CTNND2: variants seen among roughly 807,000 people sequenced by gnomAD.
CTNND2 encodes the protein catenin delta-2.
In CTNND2, 22 loss-of-function variants were observed where a neutral mutation model predicts 144.4. That is an observed-to-expected ratio of 0.15 (90% CI 0.11 to 0.22). The LOEUF is 0.22. Ranked by LOEUF, CTNND2 falls within the 10% of genes least tolerant of loss-of-function variation. CTNND2 has a pLI of 1.00. For missense variants in CTNND2, 1,353 were observed against 1,618.8 expected (o/e 0.84, Z 2.82); for synonymous variants, 751 against 695.6 (o/e 1.08, Z -1.25).
chr5:11,128,817 AT>A (rs1352771579), intron 12 of CTNND2, among the ~76,000 whole-genome samples: 2 of 72,230 alleles, frequency 2.8e-5, no homozygotes, highest in Admixed American at 2.5e-4. Flanking sequence ...AATATATATA[AT>A]ATATATTATA....
chr5:11,860,190 T>C (rs928483067), intron 1 of CTNND2, among the ~76,000 whole-genome samples: 1 of 152,234 alleles, frequency 6.6e-6, no homozygotes, highest in Non-Finnish European at 1.5e-5. Context: ...GATGAATTCA[T>C]CTATTGAGAG....
chr5:11,689,559 A>G (rs1423233047), intron 2 of CTNND2, among the ~76,000 whole-genome samples: 1 of 152,232 alleles, frequency 6.6e-6, no homozygotes, highest in Non-Finnish European at 1.5e-5. Context: ...CAATTTGTGA[A>G]TGCTGTTGTA....
intron 10 of CTNND2, among the ~76,000 whole-genome samples, chr5:11,201,889 T>G (rs1335789656): frequency 6.6e-6 from 1 of 152,242 alleles, no homozygotes; most frequent in African/African-American, 2.4e-5. Flanking sequence ...ATGTTTGTAT[T>G]CCTATATAGG....
intron 13 of CTNND2, among the ~76,000 whole-genome samples, chr5:11,113,548 A>T (rs1055926598): frequency 5.3e-5 from 8 of 152,240 alleles, no homozygotes; most frequent in African/African-American, 1.9e-4. Context: ...TACAGGAACC[A>T]TGGAAAGCGG....
At chr5:11,643,825 T>C (rs1290976489) in intron 2 of CTNND2, among the ~76,000 whole-genome samples, 2 of 152,230 alleles carry the variant, frequency 1.3e-5, no homozygotes, top group Non-Finnish European at 2.9e-5. Flanking sequence ...TTTCCTTTTA[T>C]GTATTGTAAC....
At chr5:11,573,800 G>C (rs534954397) in intron 2 of CTNND2, among the ~76,000 whole-genome samples, 2 of 151,976 alleles carry the variant, frequency 1.3e-5, no homozygotes, top group African/African-American at 4.8e-5. Flanking sequence ...AAAATATAAC[G>C]AAACACCTCT....
chr5:11,216,784 G>A (rs117350486), intron 10 of CTNND2, among the ~76,000 whole-genome samples: 1 of 152,348 alleles, frequency 6.6e-6, no homozygotes, highest in East Asian at 1.9e-4. Context: ...CGCTGGATAA[G>A]AAGTGGCTGC....
At chr5:11,300,119 C>T (rs1056707628) in intron 9 of CTNND2, among the ~76,000 whole-genome samples, 4 of 152,210 alleles carry the variant, frequency 2.6e-5, no homozygotes, top group Non-Finnish European at 5.9e-5. Flanking sequence ...AAGTTGCCCA[C>T]ATCCATGACA....
chr5:11,536,704 T>G (rs931403738), intron 3 of CTNND2, among the ~76,000 whole-genome samples: 1 of 151,794 alleles, frequency 6.6e-6, no homozygotes, highest in Non-Finnish European at 1.5e-5. Context: ...GAATAATACA[T>G]TGGACTTTGG....
intron 3 of CTNND2, among the ~76,000 whole-genome samples, chr5:11,548,542 C>T (rs541490788): frequency 6.6e-6 from 1 of 152,276 alleles, no homozygotes; most frequent in East Asian, 1.9e-4. Flanking sequence ...TCAATGACAA[C>T]ATTTTAAAAA....
rs1561314963 is a variant in CTNND2, at chr5:11,385,100, C to CG, written c.741dup (p.Ala248ArgfsTer178). 11 of 1,031,632 alleles carry CG rather than the reference C, an allele frequency of 1.1e-5. No homozygotes were observed. Among genetic ancestry groups the CG allele is most frequent in the South Asian group, 4.0e-5 (1 of 25,254 alleles). The allele number at this position is 1,031,632 out of a possible 1,614,324, so 63.9% of individuals were successfully genotyped here. A position where few individuals can be genotyped will look rare whatever the true frequency, so the allele number is the denominator to read the frequency against. ...CTGGAGTAGTAGAGCGCGGCGGCGG[C>CG]GGCGGCGGGCGGCGCGTCGGGCAGG... On this transcript the variant is annotated frameshift_variant, in exon 7 of 22. Coordinates refer to ENST00000304623, the MANE Select transcript of CTNND2 (RefSeq NM_001332.4). LOFTEE classifies it high-confidence loss of function.
intron 2 of CTNND2, among the ~76,000 whole-genome samples, chr5:11,687,489 C>T (rs1215100207): frequency 1.3e-5 from 2 of 152,224 alleles, no homozygotes; most frequent in African/African-American, 2.4e-5. Context: ...CACTTAGTCA[C>T]CAAGGTGTGG....
chr5:11,540,269 G>A (rs1774604153), intron 3 of CTNND2, among the ~76,000 whole-genome samples: 2 of 152,050 alleles, frequency 1.3e-5, no homozygotes, highest in African/African-American at 4.8e-5. Context: ...TCCCTCTTCA[G>A]GGCACTTTTC....
At chr5:11,322,959 GATGTGGTTATCTGACAA>G (rs1358077857) in intron 9 of CTNND2, among the ~76,000 whole-genome samples, 1 of 152,186 alleles carries the variant, frequency 6.6e-6, no homozygotes, top group Non-Finnish European at 1.5e-5. Flanking sequence ...TCTGTGGGCA[GATGTGGTTATCTGACAA>G]ATTATGTCTG....
rs193254849 is a variant in CTNND2 at position 11,211,059 on chromosome 5, G to A, written c.1762-11398C>T. Among the ~76,000 whole-genome samples, 4 of 152,324 alleles carry A rather than the reference G, an allele frequency of 2.6e-5. No homozygotes were observed. The East Asian group carries it at 7.7e-4, about 29-fold the overall frequency. ...TAAAGAAGATCCACTAAACGGACAA[G>A]TTTTAGGTCCATCAACAACTGGGTT... On this transcript the variant is annotated intron_variant, in intron 10 of 21. Coordinates refer to ENST00000304623, the MANE Select transcript of CTNND2 (RefSeq NM_001332.4).
intron 2 of CTNND2, among the ~76,000 whole-genome samples, chr5:11,714,589 C>T (rs1326460554): frequency 6.6e-6 from 1 of 152,078 alleles, no homozygotes; most frequent in Admixed American, 6.5e-5. Context: ...GAGGATGATA[C>T]AATCTTCCTC....
At chr5:11,851,046 C>T (rs1296704644) in intron 1 of CTNND2, among the ~76,000 whole-genome samples, 2 of 152,094 alleles carry the variant, frequency 1.3e-5, no homozygotes, top group Non-Finnish European at 2.9e-5. Context: ...CGGAGGTCCC[C>T]CAAAATCAGA....
intron 2 of CTNND2, among the ~76,000 whole-genome samples, chr5:11,680,011 T>C (rs1241835604): frequency 1.3e-5 from 2 of 152,288 alleles, no homozygotes; most frequent in East Asian, 3.9e-4. Flanking sequence ...CTAGAGATTA[T>C]GTTTCTCGAG....
At chr5:11,857,907 T>C (rs1795326641) in intron 1 of CTNND2, among the ~76,000 whole-genome samples, 1 of 152,204 alleles carries the variant, frequency 6.6e-6, no homozygotes, top group African/African-American at 2.4e-5. Context: ...GGTCTGCCCA[T>C]GATCAGGATG....
Sources: allele counts gnomAD v4.1 joint callset (sites outside exome capture counted in the v4.1 genomes callset), GRCh38; gene constraint gnomAD v4.1.1; transcripts MANE v1.5; gene names NCBI Gene and HGNC (gene_info 2026-07-23, HGNC 2026-07-21).